The following CALCR variants were observed in gnomAD, a reference collection of about 807,000 sequenced individuals.
The protein encoded by CALCR is calcitonin receptor.
Under a neutral mutation model 59.5 loss-of-function variants are expected in CALCR, and 47 were observed. That is an observed-to-expected ratio of 0.79 (90% CI 0.63 to 1.01). The LOEUF is 1.01. CALCR is among the 50% of genes least tolerant of loss of function. CALCR has a pLI of 0.00. For missense variants in CALCR, 566 were observed against 597.1 expected (o/e 0.95, Z 0.54); for synonymous variants, 213 against 211.3 (o/e 1.01, Z -0.07).
chr7:93,435,733 G>A (rs1368025932), intron 12 of CALCR, among the ~76,000 whole-genome samples: 1 of 151,810 alleles, frequency 6.6e-6, no homozygotes. Context: ...TTGAGCCCGG[G>A]AGATGGAGGT....
chr7:93,486,952 C>T lies in CALCR; in HGVS notation c.30G>A (p.Leu10=). The T allele has an allele frequency of 6.3e-7, 1 of 1,597,224 alleles. No homozygotes were observed. The highest frequency in any genetic ancestry group is 8.6e-7 in the Non-Finnish European group (1 of 1,167,786). ...TTACATTTAGAAGAAGAAACAGTGC[C>T]AAGCACCGGCTTGTAAATGTGAACC... is the stretch of plus-strand genomic sequence containing the variant. MRFTFTSRC[L]ALFLLLNHPT... The change falls in exon 3 of 14, where the codon TTG becomes TTA. Residue 10 remains leucine (L), a synonymous_variant. Coordinates refer to ENST00000426151, the MANE Select transcript of CALCR (RefSeq NM_001742.4).
chr7:93,514,682 T>C (rs1196147659), intron 2 of CALCR, among the ~76,000 whole-genome samples: 1 of 152,028 alleles, frequency 6.6e-6, no homozygotes. Flanking sequence ...ACATTAAGAA[T>C]GTTCTGATTT....
At chr7:93,476,158 G>T (rs1224580684) in intron 5 of CALCR, among the ~76,000 whole-genome samples, 2 of 151,682 alleles carry the variant, frequency 1.3e-5, no homozygotes, top group Non-Finnish European at 2.9e-5. Flanking sequence ...ACCATTTAAT[G>T]GCTCTGTGCC....
intron 2 of CALCR, among the ~76,000 whole-genome samples, chr7:93,507,898 G>C (rs1381188218): frequency 6.6e-6 from 1 of 151,526 alleles, no homozygotes; most frequent in Non-Finnish European, 1.5e-5. Flanking sequence ...ACTCCATCCT[G>C]GGTGACAGAG....
intron 2 of CALCR, among the ~76,000 whole-genome samples, chr7:93,497,315 T>C (rs1274715875): frequency 6.6e-6 from 1 of 151,692 alleles, no homozygotes; most frequent in Non-Finnish European, 1.5e-5. Flanking sequence ...ATTGAGCTCT[T>C]ATAAACTTAA....
chr7:93,440,519 T>C (rs892996314), intron 9 of CALCR, among the ~76,000 whole-genome samples: 7 of 144,852 alleles, frequency 4.8e-5, no homozygotes, highest in Non-Finnish European at 6.0e-5. Flanking sequence ...GGTAATGAGT[T>C]TGGTGGAATT....
rs1283645520 is a variant in CALCR at position 93,425,691 on chromosome 7, C to T, written c.*665G>A. On this transcript the variant is annotated 3_prime_UTR_variant, in exon 14 of 14. Coordinates refer to ENST00000426151, the MANE Select transcript of CALCR (RefSeq NM_001742.4). ...GGTCCTGCCCAATGGACAGGCTTGT[C>T]CAAAACCAAGCTGAGCATGTAATGT... is the stretch of plus-strand genomic sequence containing the variant. 6.6e-6 allele frequency: 1 copy of T among 152,202 alleles called. No homozygotes were observed. Among genetic ancestry groups the T allele is most frequent in the Non-Finnish European group, 1.5e-5 (1 of 68,036 alleles). 9.4% of individuals were successfully genotyped at this position (152,202 alleles called of 1,614,324 possible). A position where few individuals can be genotyped will look rare whatever the true frequency, so the allele number is the denominator to read the frequency against.
intron 4 of CALCR, among the ~76,000 whole-genome samples, chr7:93,478,876 A>T (rs1800729992): frequency 6.6e-6 from 1 of 151,732 alleles, no homozygotes; most frequent in Non-Finnish European, 1.5e-5. Context: ...GCTAGGAGGT[A>T]CCTTTTTGTA....
intron 2 of CALCR, among the ~76,000 whole-genome samples, chr7:93,502,381 A>G (rs1801336433): frequency 6.6e-6 from 1 of 152,174 alleles, no homozygotes; most frequent in Admixed American, 6.5e-5. Context: ...TTCTTTCCAC[A>G]TTTCACACTG....
intron 2 of CALCR, among the ~76,000 whole-genome samples, chr7:93,539,920 G>A (rs896120400): frequency 1.3e-4 from 20 of 152,236 alleles, no homozygotes; most frequent in African/African-American, 4.6e-4. Context: ...AGATACTCCA[G>A]GTCTGCAGTG....
At chr7:93,440,075 A>T (rs4729091) in intron 9 of CALCR, among the ~76,000 whole-genome samples, 103,039 of 152,016 alleles carry the variant, frequency 0.68, 35,645 homozygotes, top group East Asian at 0.89. Context: ...CTAGAATTGG[A>T]AACATTATTC....
At chr7:93,427,446 G>A (rs1193391070) in intron 13 of CALCR, among the ~76,000 whole-genome samples, 1 of 152,130 alleles carries the variant, frequency 6.6e-6, no homozygotes, top group East Asian at 1.9e-4. Context: ...TCTCTATTCT[G>A]TATTTCTGAG....
chr7:93,466,749 C>A (rs893146250), intron 7 of CALCR, among the ~76,000 whole-genome samples: 1 of 151,770 alleles, frequency 6.6e-6, no homozygotes, highest in East Asian at 1.9e-4. Context: ...AATCTGCCCC[C>A]ACACTCTCTC....
chr7:93,513,273 T>A (rs1362414838), intron 2 of CALCR, among the ~76,000 whole-genome samples: 3 of 152,080 alleles, frequency 2.0e-5, no homozygotes, highest in African/African-American at 4.8e-5. Flanking sequence ...TGAAAAAAAA[T>A]TATTTTAAAG....
Position 93,426,270 on chromosome 7 carries a change from TG to T in CALCR, c.*85del. 1 of 778,910 alleles carries T rather than the reference TG, an allele frequency of 1.3e-6. No individual in the cohort carries two copies. The highest frequency in any genetic ancestry group is 2.3e-6 in the Non-Finnish European group (1 of 438,634). The allele number at this position is 778,910 out of a possible 1,614,324, so 48.2% of individuals were successfully genotyped here. A position where few individuals can be genotyped will look rare whatever the true frequency, so the allele number is the denominator to read the frequency against. On this transcript the variant is annotated 3_prime_UTR_variant, in exon 14 of 14. Coordinates refer to ENST00000426151, the MANE Select transcript of CALCR (RefSeq NM_001742.4). ...CTTCACAAATGATATGTTCGGTTCC[TG>T]GGAGGATGGAGAATACTTTAAATGC...
chr7:93,489,620 A>C (rs1440799563), intron 2 of CALCR, among the ~76,000 whole-genome samples: 1 of 152,054 alleles, frequency 6.6e-6, no homozygotes, highest in Non-Finnish European at 1.5e-5. Context: ...AATTACCATC[A>C]GAGAATACTG....
intron 2 of CALCR, among the ~76,000 whole-genome samples, chr7:93,553,082 G>C (rs775403766): frequency 4.6e-5 from 7 of 152,078 alleles, no homozygotes; most frequent in Admixed American, 2.0e-4. Context: ...TATTTTAGAG[G>C]GAAAAAGTTT....
At chr7:93,558,166 G>A (rs1291867939) in intron 2 of CALCR, among the ~76,000 whole-genome samples, 1 of 146,310 alleles carries the variant, frequency 6.8e-6, no homozygotes, top group Non-Finnish European at 1.5e-5. Context: ...AATTCTTACT[G>A]ATGAAATTAA....
chr7:93,439,224 A>G (rs1275842242), intron 9 of CALCR, among the ~76,000 whole-genome samples: 1 of 152,150 alleles, frequency 6.6e-6, no homozygotes, highest in Non-Finnish European at 1.5e-5. Context: ...TTGAATTTTC[A>G]CCTAAGAACA....
Sources: allele counts gnomAD v4.1 joint callset (sites outside exome capture counted in the v4.1 genomes callset), GRCh38; gene constraint gnomAD v4.1.1; transcripts MANE v1.5; gene names NCBI Gene and HGNC (gene_info 2026-07-23, HGNC 2026-07-21).